Variants in FOXN3 observed in about 807,000 individuals in gnomAD.
The protein encoded by FOXN3 is forkhead box N3, also known as forkhead box protein N3.
FOXN3 carries 7 observed loss-of-function variants against 38.4 expected under a neutral mutation model. The ratio of observed to expected loss-of-function variants is 0.18; its 90% CI spans 0.10 to 0.34. The LOEUF is 0.34. FOXN3 is among the 10% of genes least tolerant of loss of function. The probability of loss-of-function intolerance (pLI) is 1.00; values close to 1 mark genes in which losing one functional copy is unlikely to be tolerated. For synonymous variants in FOXN3, 230 were observed against 242.2 expected (o/e 0.95, Z 0.47); for missense variants, 456 against 613.4 (o/e 0.74, Z 2.71).
At chr14:89,344,169 T>C (rs1471112215) in intron 3 of FOXN3, among the ~76,000 whole-genome samples, 1 of 152,034 alleles carries the variant, frequency 6.6e-6, no homozygotes, top group Non-Finnish European at 1.5e-5. Context: ...TCTAACTTTG[T>C]ACATGTTAAG....
At chr14:89,515,536 G>A (rs1267728645) in intron 1 of FOXN3, among the ~76,000 whole-genome samples, 1 of 151,814 alleles carries the variant, frequency 6.6e-6, no homozygotes, top group Non-Finnish European at 1.5e-5. Flanking sequence ...GACCAGCCTG[G>A]CCAACCATGG....
chr14:89,338,104 G>A (rs1373310527), intron 3 of FOXN3, among the ~76,000 whole-genome samples: 10 of 152,094 alleles, frequency 6.6e-5, no homozygotes, highest in African/African-American at 2.4e-4. Context: ...AGGGACACTC[G>A]GACCTTGGCA....
chr14:89,505,245 C>CCCCTCTCCCTCTCCCTCT (rs1178955185), intron 1 of FOXN3, among the ~76,000 whole-genome samples: 3 of 147,936 alleles, frequency 2.0e-5, no homozygotes, highest in Admixed American at 6.6e-5. Context: ...GAAACACTGT[C>CCCCTCTCCCTCTCCCTCT]CCCTCTCCCT....
At chr14:89,510,927 A>G (rs1335380416) in intron 1 of FOXN3, among the ~76,000 whole-genome samples, 1 of 152,120 alleles carries the variant, frequency 6.6e-6, no homozygotes, top group Non-Finnish European at 1.5e-5. Flanking sequence ...TGGGTGACAG[A>G]GTGAGACTCC....
chr14:89,593,129 G>A (rs1162241579), intron 1 of FOXN3, among the ~76,000 whole-genome samples: 1 of 136,396 alleles, frequency 7.3e-6, no homozygotes, highest in Non-Finnish European at 1.6e-5. Flanking sequence ...AAAGGAAGGA[G>A]GGAAGGAGGG....
intron 1 of FOXN3, among the ~76,000 whole-genome samples, chr14:89,564,804 TA>T (rs975069420): frequency 2.0e-5 from 3 of 151,762 alleles, no homozygotes; most frequent in African/African-American, 7.3e-5. Flanking sequence ...AATGTCCTCA[TA>T]AAAAAAGAAG....
chr14:89,290,263 G>T, intron 3 of FOXN3: 1 of 321,442 alleles, frequency 3.1e-6, no homozygotes, highest in Non-Finnish European at 6.2e-6. Context: ...GAAATTCTCT[G>T]TCATTACCAC....
chr14:89,586,102 T>A (rs1895836814), intron 1 of FOXN3, among the ~76,000 whole-genome samples: 1 of 152,052 alleles, frequency 6.6e-6, no homozygotes, highest in Non-Finnish European at 1.5e-5. Flanking sequence ...TGAGGTGGAA[T>A]CTCTATCCGA....
chr14:89,591,107 TA>T (rs1895941105), intron 1 of FOXN3, among the ~76,000 whole-genome samples: 1 of 152,244 alleles, frequency 6.6e-6, no homozygotes, highest in Non-Finnish European at 1.5e-5. Flanking sequence ...TTACTCTTGT[TA>T]ATCTGTCTTT....
chr14:89,163,921 G>A lies in FOXN3; in HGVS notation c.852-952C>T, dbSNP rs565488266. 6.6e-6 allele frequency among the ~76,000 whole-genome samples: 1 copy of A among 152,320 alleles called. No individual in the cohort carries two copies. The highest frequency in any genetic ancestry group is 1.5e-5 in the Non-Finnish European group (1 of 68,026). On this transcript the variant is annotated intron_variant, in intron 5 of 5. Coordinates refer to ENST00000557258, the MANE Select transcript of FOXN3 (RefSeq NM_005197.4). This position sits in a 1 kb window ranked among gnomAD's most constrained non-coding sequence, Gnocchi z 4.3. Reference sequence around the variant, plus strand: ...GTGATTTCCCTATAACAAGGTCCCTGCTACCCATGCCTATAAGGCGTCTGT... The same window carrying A: ...GTGATTTCCCTATAACAAGGTCCCTACTACCCATGCCTATAAGGCGTCTGT...
At chr14:89,374,304 G>GAAAAGA (rs963240772) in intron 2 of FOXN3, among the ~76,000 whole-genome samples, 5 of 139,268 alleles carry the variant, frequency 3.6e-5, no homozygotes, top group African/African-American at 1.1e-4. Flanking sequence ...GGAAGGAAAG[G>GAAAAGA]AAAAGAAAAA....
At chr14:89,413,572 G>A (rs970144518) in intron 1 of FOXN3, among the ~76,000 whole-genome samples, 1 of 151,944 alleles carries the variant, frequency 6.6e-6, no homozygotes. Context: ...AGCTGAGGCT[G>A]CAGTGAGCCA....
chr14:89,175,677 T>G (rs1456814198), intron 5 of FOXN3, among the ~76,000 whole-genome samples: 1 of 152,124 alleles, frequency 6.6e-6, no homozygotes, highest in Non-Finnish European at 1.5e-5. Flanking sequence ...GGAAATGTGG[T>G]TCCTGAGTTC....
chr14:89,605,637 A>G (rs1896257233), intron 1 of FOXN3, among the ~76,000 whole-genome samples: 1 of 152,182 alleles, frequency 6.6e-6, no homozygotes, highest in South Asian at 2.1e-4. Flanking sequence ...TGTACATGTC[A>G]TATATAAAAA....
Position 89,604,207 on chromosome 14 carries a change from ACAC to A in FOXN3, c.-15+14818_-15+14820del, listed in dbSNP as rs1389206944. On this transcript the variant is annotated intron_variant, in intron 1 of 6. Transcript: ENST00000345097. ...GTTTCCAAAAACAAAGCAAAACAAA[ACAC>A]ACACACACACACACACACACACACA... Among the ~76,000 whole-genome samples the A allele has an allele frequency of 3.8e-4, 10 of 26,506 alleles. No homozygotes were observed. The East Asian group carries it at 9.9e-3, about 26-fold the overall frequency. 17.4% of individuals were successfully genotyped at this position (26,506 alleles called of 152,430 possible). A position where few individuals can be genotyped will look rare whatever the true frequency, so the allele number is the denominator to read the frequency against.
intron 3 of FOXN3, among the ~76,000 whole-genome samples, chr14:89,293,525 G>T (rs1886941579): frequency 6.6e-6 from 1 of 152,134 alleles, no homozygotes. Context: ...GCATTGCCCT[G>T]CCTTCATCTT....
At chr14:89,572,245 G>T (rs1020668718) in intron 1 of FOXN3, among the ~76,000 whole-genome samples, 1 of 152,128 alleles carries the variant, frequency 6.6e-6, no homozygotes, top group Non-Finnish European at 1.5e-5. Context: ...TCAAGTCAAA[G>T]GTTAAATTAG....
rs1887178556 is a variant in FOXN3 at position 89,164,143 on chromosome 14, C to G, written c.852-1174G>C. 6.6e-6 allele frequency among the ~76,000 whole-genome samples: 1 copy of G among 152,238 alleles called. No individual in the cohort carries two copies. The highest frequency in any genetic ancestry group is 1.5e-5 in the Non-Finnish European group (1 of 68,044). Reference sequence around the variant, plus strand: ...ACAGCAATGGCTGTGAAGCTTATTCCTGGTTAGGACCCATGCTCCTTATGT... The same window carrying G: ...ACAGCAATGGCTGTGAAGCTTATTCGTGGTTAGGACCCATGCTCCTTATGT... On this transcript the variant is annotated intron_variant, in intron 5 of 5. Coordinates refer to ENST00000557258, the MANE Select transcript of FOXN3 (RefSeq NM_005197.4). This position sits in a 1 kb window ranked among gnomAD's most constrained non-coding sequence, Gnocchi z 4.3.
chr14:89,271,932 T>G (rs1886159965), intron 4 of FOXN3, among the ~76,000 whole-genome samples: 1 of 152,254 alleles, frequency 6.6e-6, no homozygotes, highest in South Asian at 2.1e-4. Context: ...TTTCTGTGAC[T>G]TCGAGCAGAA....
Sources: allele counts gnomAD v4.1 joint callset (sites outside exome capture counted in the v4.1 genomes callset), GRCh38; gene constraint gnomAD v4.1.1; non-coding constraint Gnocchi (gnomAD v3.1); transcripts MANE v1.5; gene names NCBI Gene and HGNC (gene_info 2026-07-23, HGNC 2026-07-21).